Variants in DENND2C observed in about 807,000 individuals in gnomAD.
The protein encoded by DENND2C is DENN domain-containing protein 2C.
In DENND2C, 72 loss-of-function variants were observed where a neutral mutation model predicts 112.4. The observed-to-expected ratio is 0.64, with a 90% CI of 0.53 to 0.78. The LOEUF (loss-of-function observed/expected upper bound fraction) is 0.78. Among genes scored for constraint, DENND2C ranks in the 30% least tolerant of loss-of-function variants. The probability of loss-of-function intolerance (pLI) is 0.00; values close to 1 mark genes in which losing one functional copy is unlikely to be tolerated. For missense variants in DENND2C, 992 were observed against 1,113.8 expected (o/e 0.89, Z 1.56); for synonymous variants, 329 against 381.6 (o/e 0.86, Z 1.61).
intron 18 of DENND2C, among the ~76,000 whole-genome samples, chr1:114,592,554 C>T (rs941396928): frequency 6.6e-6 from 1 of 151,758 alleles, no homozygotes; most frequent in African/African-American, 2.4e-5. Flanking sequence ...CCCGTCTCTA[C>T]AAAAAATACA....
At chr1:114,622,661 C>T (rs1205584474) in intron 6 of DENND2C, among the ~76,000 whole-genome samples, 1 of 152,030 alleles carries the variant, frequency 6.6e-6, no homozygotes, top group Non-Finnish European at 1.5e-5. Context: ...GTCTCACATA[C>T]TTTCAGGGAC....
Position 114,590,671 on chromosome 1 carries a change from G to A in DENND2C, c.2432-2719C>T, listed in dbSNP as rs1365829378. On this transcript the variant is annotated intron_variant, in intron 18 of 20. Transcript: ENST00000393274. ...CAGGCGCCTGTAATCCCAGCTATGCGGAAGGCTGAGGCAGGAGAATGGTGT... is the reference window on the plus strand; with the variant it reads ...CAGGCGCCTGTAATCCCAGCTATGCAGAAGGCTGAGGCAGGAGAATGGTGT... Among the ~76,000 whole-genome samples the A allele has an allele frequency of 2.6e-5, 4 of 151,254 alleles. No individual in the cohort carries two copies. In the East Asian group the frequency reaches 6.0e-4, roughly 23 times the overall value.
intron 10 of DENND2C, among the ~76,000 whole-genome samples, chr1:114,605,822 G>A (rs753318720): frequency 5.3e-5 from 8 of 152,236 alleles, no homozygotes; most frequent in Middle Eastern, 3.4e-3. Context: ...ATACTATTTT[G>A]AGAATCCACC....
chr1:114,637,455 G>T (rs556141401), intron 3 of DENND2C, among the ~76,000 whole-genome samples: 1 of 151,948 alleles, frequency 6.6e-6, no homozygotes, highest in Non-Finnish European at 1.5e-5. Flanking sequence ...AAGCTAATGT[G>T]GAGTAAAAAA....
intron 3 of DENND2C, among the ~76,000 whole-genome samples, chr1:114,632,119 GA>G (rs1358121631): frequency 6.6e-6 from 1 of 152,054 alleles, no homozygotes; most frequent in South Asian, 2.1e-4. Flanking sequence ...ACAAAGTGAA[GA>G]AAAAAAGCTA....
At chr1:114,597,822 G>A (rs1197366131) in intron 16 of DENND2C, among the ~76,000 whole-genome samples, 1 of 151,988 alleles carries the variant, frequency 6.6e-6, no homozygotes, top group African/African-American at 2.4e-5. Context: ...ACAATGTAGT[G>A]GAAAGAGACA....
At chr1:114,626,288 A>G (rs554422490) in intron 3 of DENND2C, 100 bp from the exon 4 acceptor site, 46 of 242,024 alleles carry the variant, frequency 1.9e-4, no homozygotes, top group Non-Finnish European at 3.3e-4. Flanking sequence ...ATTCATATAC[A>G]TTGCATATGT....
In DENND2C at chr1:114,654,707, C is replaced by T. The variant is rs982122663; in HGVS notation, c.-519G>A. 2 of 150,974 alleles carry T rather than the reference C, an allele frequency of 1.3e-5. No homozygotes were observed. The highest frequency in any genetic ancestry group is 4.2e-4 in the South Asian group (2 of 4,768). The allele number at this position is 150,974 out of a possible 1,614,324, so 9.4% of individuals were successfully genotyped here. A position where few individuals can be genotyped will look rare whatever the true frequency, so the allele number is the denominator to read the frequency against. The stretch of plus-strand genomic sequence containing the variant: ...AAGATTAAGTTTTGGTACATACAGC[C>T]GGAACTGGAAATAGCAAGTGGTTTA... On this transcript the variant is annotated 5_prime_UTR_variant, in exon 2 of 21. Transcript: ENST00000393274.
intron 14 of DENND2C, 100 bp from the exon 15 acceptor site, chr1:114,600,452 A>G: frequency 6.8e-7 from 1 of 1,480,154 alleles, no homozygotes; most frequent in Non-Finnish European, 9.2e-7. Context: ...TAAATTCAAG[A>G]AAGGTCTGCT....
chr1:114,590,755 G>A (rs1272748392), intron 18 of DENND2C, among the ~76,000 whole-genome samples: 5 of 147,022 alleles, frequency 3.4e-5, no homozygotes, highest in Non-Finnish European at 7.5e-5. Flanking sequence ...CTCCAGCCTG[G>A]GCGACAGAGC....
rs762168476 is a variant in DENND2C, at chr1:114,622,063, G to A, written c.1059C>T (p.Leu353=). ...PAKSAFKAPK[L]PPKPQFLHRK... The stretch of plus-strand genomic sequence containing the variant: ...GGTGAAGGAACTGAGGTTTTGGAGG[G>A]AGCTAAAACAGGAGAAGATGTACTG... Residue 353 remains leucine, a splice_region_variant and synonymous_variant, in exon 7 of 21, where the codon CTC becomes CTT. Coordinates refer to ENST00000393274, the MANE Select transcript of DENND2C (RefSeq NM_001256404.2). The A allele has an allele frequency of 6.5e-7, 1 of 1,530,818 alleles. No individual in the cohort carries two copies. The highest frequency in any genetic ancestry group is 8.8e-7 in the Non-Finnish European group (1 of 1,140,000). The allele number at this position is 1,530,818 out of a possible 1,614,324, so 94.8% of individuals were successfully genotyped here.
intron 2 of DENND2C, among the ~76,000 whole-genome samples, chr1:114,653,656 T>C (rs1433036560): frequency 6.6e-6 from 1 of 152,164 alleles, no homozygotes; most frequent in Non-Finnish European, 1.5e-5. Flanking sequence ...TTTTTTGTTG[T>C]TTTTAAATGT....
chr1:114,600,087 T>C, intron 15 of DENND2C, 117 bp downstream of exon 15: 1 of 1,176,358 alleles, frequency 8.5e-7, no homozygotes, highest in South Asian at 1.6e-5. Context: ...CTGCACGTTG[T>C]GCACATGTAC....
chr1:114,588,533 C>T (rs989384709), intron 18 of DENND2C: 1 of 152,604 alleles, frequency 6.6e-6, no homozygotes, highest in Non-Finnish European at 1.5e-5. Context: ...AGTTTTCCAG[C>T]CCTGTTATCT....
intron 3 of DENND2C, 142 bp downstream of exon 3, chr1:114,645,306 G>C (rs988323340): frequency 6.6e-6 from 1 of 152,140 alleles, no homozygotes; most frequent in Non-Finnish European, 1.5e-5. Flanking sequence ...AGGTCAGTAG[G>C]GTGGGCCTTA....
chr1:114,639,651 C>CT (rs1226262139), intron 3 of DENND2C, among the ~76,000 whole-genome samples: 50 of 146,206 alleles, frequency 3.4e-4, no homozygotes, highest in Admixed American at 3.4e-3. Flanking sequence ...CTATTTGGTT[C>CT]TTTTTTTCTT....
chr1:114,625,283 G>T lies in DENND2C; in HGVS notation c.702C>A (p.Asp234Glu). Residue 234 changes from aspartate (D) to glutamate (E), a missense_variant, in exon 4 of 21, where the codon GAC becomes GAA. This residue lies in a region of DENND2C where 470 missense variants were observed against 472.7 expected (regional missense o/e 0.99). Coordinates refer to ENST00000393274, the MANE Select transcript of DENND2C (RefSeq NM_001256404.2). ...GVTPYKERNC[D>E]KKYCENNSCA... ...AAGAGTTATTTTCACAGTATTTTTT[G>T]TCACAGTTTCTTTCTTTATACGGCG... 1 of 1,614,114 alleles carries T rather than the reference G, an allele frequency of 6.2e-7. No individual in the cohort carries two copies. The highest frequency in any genetic ancestry group is 8.5e-7 in the Non-Finnish European group (1 of 1,180,008).
intron 11 of DENND2C, among the ~76,000 whole-genome samples, chr1:114,603,000 T>G (rs1298117547): frequency 6.6e-6 from 1 of 152,204 alleles, no homozygotes; most frequent in Non-Finnish European, 1.5e-5. Flanking sequence ...AGGCAAAGGA[T>G]TATATCCTTA....
intron 2 of DENND2C, among the ~76,000 whole-genome samples, chr1:114,653,977 G>A (rs1269857904): frequency 6.6e-6 from 1 of 152,130 alleles, no homozygotes; most frequent in African/African-American, 2.4e-5. Flanking sequence ...TTAAGTAAAT[G>A]AATGTTATAA....
Sources: gnomAD v4.1 joint callset for allele counts (sites outside exome capture counted in the v4.1 genomes callset) on GRCh38, gnomAD v4.1.1 for gene constraint, gnomAD v4.1.1 regional missense constraint, MANE v1.5 for transcripts, NCBI Gene and HGNC (gene_info 2026-07-23, HGNC 2026-07-21) for gene names.